MYRFL: variants seen among roughly 807,000 people sequenced by gnomAD.
The protein encoded by MYRFL is myelin regulatory factor like.
In MYRFL, 88 loss-of-function variants were observed where a neutral mutation model predicts 109.4. The ratio of observed to expected loss-of-function variants is 0.80; its 90% CI spans 0.68 to 0.96. MYRFL has a LOEUF of 0.96. Ranked by LOEUF, MYRFL falls within the 40% of genes least tolerant of loss-of-function variation. The pLI, the probability that MYRFL is intolerant of heterozygous loss-of-function variation, is 0.00. For synonymous variants in MYRFL, 324 were observed against 320.9 expected, an observed-to-expected ratio of 1.01 and a Z score of -0.10; for missense variants, 957 against 954.9, an observed-to-expected ratio of 1.00 and a Z score of -0.03.
chr12:69,932,655 C>G, intron 16 of MYRFL, 57 bp downstream of exon 16: 2 of 1,301,954 alleles, frequency 1.5e-6, no homozygotes, highest in South Asian at 2.5e-5. Context: ...TCCCATGTTT[C>G]TTTTATCACA....
rs138931391 is a variant in MYRFL at position 69,854,346 on chromosome 12, GGAGGGAGAGGGAGAGGGA to G, written c.47-917_47-900del. 4.9e-5 allele frequency among the ~76,000 whole-genome samples: 7 copies of G among 141,772 alleles called. No homozygotes were observed. The East Asian group carries it at 1.1e-3, about 22-fold the overall frequency. 93.0% of individuals were successfully genotyped at this position (141,772 alleles called of 152,430 possible). A position where few individuals can be genotyped will look rare whatever the true frequency, so the allele number is the denominator to read the frequency against. On this transcript the variant is annotated intron_variant, in intron 1 of 24. Transcript: ENST00000552032. Reference sequence around the variant, plus strand: ...AGAGGGAGACCGTGGAGGGGGAGGGGGAGGGAGAGGGAGAGGGAGAGGGAGAGGGAGAGGATTTTTAAT... The same window carrying G: ...AGAGGGAGACCGTGGAGGGGGAGGGGGAGGGAGAGGGAGAGGATTTTTAAT...
intron 1 of MYRFL, among the ~76,000 whole-genome samples, chr12:69,851,008 G>C (rs972822172): frequency 6.6e-6 from 1 of 151,958 alleles, no homozygotes; most frequent in Non-Finnish European, 1.5e-5. Flanking sequence ...TTGAGACATT[G>C]TAAAATTTAT....
intron 2 of MYRFL, among the ~76,000 whole-genome samples, chr12:69,875,286 T>C (rs543093276): frequency 6.6e-6 from 1 of 152,200 alleles, no homozygotes; most frequent in African/African-American, 2.4e-5. Context: ...TTTTTTTAAA[T>C]TTTTATTTCT....
At chr12:69,955,906 G>A (rs568241294) in intron 22 of MYRFL, among the ~76,000 whole-genome samples, 33 of 151,132 alleles carry the variant, frequency 2.2e-4, no homozygotes, top group African/African-American at 8.0e-4. Context: ...CAAGGATTCT[G>A]TCACTTACTA....
intron 13 of MYRFL, 97 bp from the exon 14 acceptor site, chr12:69,926,474 A>T (rs1152964): frequency 9.6e-7 from 1 of 1,046,382 alleles, no homozygotes; most frequent in Non-Finnish European, 1.2e-6. Flanking sequence ...AACCATTTTC[A>T]ACAGTATAAT....
chr12:69,929,734 G>A (rs1955213882), intron 15 of MYRFL, among the ~76,000 whole-genome samples: 1 of 152,216 alleles, frequency 6.6e-6, no homozygotes, highest in South Asian at 2.1e-4. Flanking sequence ...GCCAATTTTT[G>A]TGGGGTTCAA....
intron 9 of MYRFL, among the ~76,000 whole-genome samples, chr12:69,895,774 G>A (rs909096692): frequency 3.3e-5 from 5 of 152,218 alleles, no homozygotes; most frequent in Admixed American, 6.5e-5. Context: ...ATATCTCATT[G>A]CCATCCACAG....
chr12:69,897,069 A>C, intron 9 of MYRFL, 87 bp from the exon 10 acceptor site: 137 of 824,872 alleles, frequency 1.7e-4, no homozygotes, highest in Non-Finnish European at 2.5e-4. Context: ...TAAGTTCACT[A>C]TTGATCAACT....
chr12:69,905,725 T>A (rs1453574312), intron 11 of MYRFL, among the ~76,000 whole-genome samples: 1 of 152,230 alleles, frequency 6.6e-6, no homozygotes, highest in African/African-American at 2.4e-5. Context: ...AAAAATTACA[T>A]GTAATTTATT....
chr12:69,827,602 T>C (rs935467563), intron 1 of MYRFL, among the ~76,000 whole-genome samples: 2 of 152,116 alleles, frequency 1.3e-5, no homozygotes, highest in African/African-American at 4.8e-5. Flanking sequence ...AAAAAAAAGG[T>C]TGTCATAAGA....
At chr12:69,849,568 G>T (rs1883760877) in intron 1 of MYRFL, among the ~76,000 whole-genome samples, 1 of 152,204 alleles carries the variant, frequency 6.6e-6, no homozygotes, top group African/African-American at 2.4e-5. Context: ...TGGTAGAAGA[G>T]TTATATTGTT....
chr12:69,853,601 G>A (rs138663297), intron 1 of MYRFL, among the ~76,000 whole-genome samples: 2,099 of 150,276 alleles, frequency 0.014, 20 homozygotes, highest in Middle Eastern at 0.028. Context: ...CGGGATGGCG[G>A]CTGGGAAGAG....
intron 7 of MYRFL, among the ~76,000 whole-genome samples, chr12:69,892,355 T>A (rs746013587): frequency 6.6e-6 from 1 of 152,218 alleles, no homozygotes; most frequent in Non-Finnish European, 1.5e-5. Flanking sequence ...TGTAACTTCA[T>A]ATCCAGTTCC....
chr12:69,875,080 C>T (rs994229383), intron 2 of MYRFL, among the ~76,000 whole-genome samples: 1 of 150,550 alleles, frequency 6.6e-6, no homozygotes. Flanking sequence ...AAGATATATA[C>T]ATTTATATCT....
chr12:69,858,824 G>T (rs900376333), intron 2 of MYRFL, among the ~76,000 whole-genome samples: 2 of 151,406 alleles, frequency 1.3e-5, no homozygotes, highest in Non-Finnish European at 3.0e-5. Flanking sequence ...TATTATGTTT[G>T]TTTTCAATTT....
chr12:69,928,892 G>T (rs1178395942), intron 15 of MYRFL, among the ~76,000 whole-genome samples: 1 of 152,162 alleles, frequency 6.6e-6, no homozygotes, highest in Non-Finnish European at 1.5e-5. Context: ...CACATCTATG[G>T]CAGCCCTGAT....
In MYRFL at chr12:69,923,561, A is replaced by G. The variant is rs531584080; in HGVS notation, c.1603-3010A>G. 3.9e-4 allele frequency among the ~76,000 whole-genome samples: 59 copies of G among 152,264 alleles called. No homozygotes were observed. The South Asian group carries it at 0.012, about 31-fold the overall frequency. ...AATGCTAAAAATCTTGGTTTATAGC[A>G]CTATTAACTATGTATTTGTTTTATC... On this transcript the variant is annotated intron_variant, in intron 13 of 24. Transcript: ENST00000552032.
intron 1 of MYRFL, among the ~76,000 whole-genome samples, chr12:69,852,232 T>G (rs1160733369): frequency 6.6e-6 from 1 of 152,162 alleles, no homozygotes; most frequent in Non-Finnish European, 1.5e-5. Context: ...TAATGTGTAG[T>G]AAGGTTTTTG....
chr12:69,933,361 G>A (rs1955332039), intron 16 of MYRFL, among the ~76,000 whole-genome samples: 1 of 152,082 alleles, frequency 6.6e-6, no homozygotes, highest in Admixed American at 6.5e-5. Context: ...GGGCCTTTGA[G>A]TGCACCTGTT....
Sources: allele counts gnomAD v4.1 joint callset (sites outside exome capture counted in the v4.1 genomes callset), GRCh38; gene constraint gnomAD v4.1.1; transcripts MANE v1.5; gene names NCBI Gene and HGNC (gene_info 2026-07-23, HGNC 2026-07-21).